SETBP1: variants seen among roughly 807,000 people sequenced by gnomAD.
SETBP1 encodes the protein SET binding protein 1.
SETBP1 carries 9 observed loss-of-function variants against 101.0 expected under a neutral mutation model. The observed-to-expected ratio is 0.09, with a 90% CI of 0.05 to 0.16. The LOEUF (loss-of-function observed/expected upper bound fraction) is 0.16, where lower values mean the gene tolerates loss of function less well. Ranked by LOEUF, SETBP1 falls within the 10% of genes least tolerant of loss-of-function variation. The probability of loss-of-function intolerance (pLI) is 1.00; values close to 1 mark genes in which losing one functional copy is unlikely to be tolerated. For missense variants in SETBP1, 1,858 were observed against 2,033.8 expected (o/e 0.91, Z 1.66); for synonymous variants, 818 against 788.5 (o/e 1.04, Z -0.63).
chr18:44,797,728 C>T (rs998347927), intron 2 of SETBP1, among the ~76,000 whole-genome samples: 6 of 152,190 alleles, frequency 3.9e-5, no homozygotes, highest in African/African-American at 1.4e-4. Context: ...AGTGCATGAA[C>T]CTCCAGGTGC....
chr18:44,792,829 G>A (rs2071396545), intron 2 of SETBP1, among the ~76,000 whole-genome samples: 1 of 151,936 alleles, frequency 6.6e-6, no homozygotes, highest in Non-Finnish European at 1.5e-5. Context: ...CTCCCCTTAG[G>A]GCTCTATTCC....
chr18:44,850,959 C>A (rs1048642353), intron 2 of SETBP1, among the ~76,000 whole-genome samples: 11 of 152,284 alleles, frequency 7.2e-5, no homozygotes, highest in African/African-American at 2.6e-4. Context: ...TATCTCCTGC[C>A]TTCAAGGAGC....
intron 2 of SETBP1, among the ~76,000 whole-genome samples, chr18:44,710,203 A>C (rs2069308531): frequency 6.6e-6 from 1 of 152,072 alleles, no homozygotes; most frequent in Non-Finnish European, 1.5e-5. Context: ...GATTCCTGCA[A>C]GTTTAAGTTA....
chr18:45,062,225 C>A (rs1372572284), intron 5 of SETBP1, among the ~76,000 whole-genome samples: 1 of 152,156 alleles, frequency 6.6e-6, no homozygotes, highest in Non-Finnish European at 1.5e-5. Context: ...ACAAGAAGTT[C>A]GGCTCATAAA....
chr18:44,804,002 C>A (rs1405641331), intron 2 of SETBP1, among the ~76,000 whole-genome samples: 1 of 152,008 alleles, frequency 6.6e-6, no homozygotes, highest in Admixed American at 6.6e-5. Flanking sequence ...ACTCTTTTGG[C>A]TAATTAGTTA....
intron 2 of SETBP1, among the ~76,000 whole-genome samples, chr18:44,812,622 C>T (rs1396492038): frequency 6.6e-6 from 1 of 152,102 alleles, no homozygotes; most frequent in African/African-American, 2.4e-5. Flanking sequence ...GGCTGGGTAT[C>T]TCTGCCTCTC....
At chr18:45,023,084 G>A (rs1471569997) in intron 4 of SETBP1, among the ~76,000 whole-genome samples, 1 of 152,122 alleles carries the variant, frequency 6.6e-6, no homozygotes, top group African/African-American at 2.4e-5. Context: ...CCTCTTAACT[G>A]TTTTGAAATG....
intron 4 of SETBP1, among the ~76,000 whole-genome samples, chr18:45,019,088 C>A (rs1053796220): frequency 6.6e-6 from 1 of 152,168 alleles, no homozygotes; most frequent in Non-Finnish European, 1.5e-5. Flanking sequence ...AGACAGGAAG[C>A]CTCCACCTGC....
intron 2 of SETBP1, among the ~76,000 whole-genome samples, chr18:44,716,834 A>T (rs1353724316): frequency 6.6e-6 from 1 of 152,156 alleles, no homozygotes; most frequent in Non-Finnish European, 1.5e-5. Flanking sequence ...AAGTGCTGGG[A>T]TTATGGCATT....
Position 44,950,266 on chromosome 18 carries a change from A to G in SETBP1, c.926A>G (p.Asn309Ser). The change falls in exon 4 of 6, where the codon AAC (asparagine) becomes AGC (serine). Residue 309 changes from asparagine (N) to serine (S), a missense_variant. Asn to Ser is a conservative substitution (Grantham distance 46, BLOSUM62 1). Transcript: ENST00000649279. ...PAPPSSSAEC[N>S]GLQPLVDQDG... ...CCACCCAGCAGCTCTGCTGAGTGCA[A>G]CGGGCTTCAGCCCTTGGTGGATCAA... is the stretch of plus-strand genomic sequence containing the variant. 6.2e-7 allele frequency: 1 copy of G among 1,614,046 alleles called. No homozygotes were observed. Among genetic ancestry groups the G allele is most frequent in the Non-Finnish European group, 8.5e-7 (1 of 1,180,034 alleles).
chr18:44,909,186 A>G (rs921466257), intron 3 of SETBP1, among the ~76,000 whole-genome samples: 6 of 152,220 alleles, frequency 3.9e-5, no homozygotes, highest in Admixed American at 3.9e-4. Context: ...ATGAGTAAGG[A>G]GAAATGGGGA....
chr18:44,732,556 C>T (rs2069860525), intron 2 of SETBP1: 4 of 152,142 alleles, frequency 2.6e-5, no homozygotes, highest in Admixed American at 2.0e-4. Context: ...ACCCTTCTGC[C>T]GAGAATAAGT....
intron 3 of SETBP1, among the ~76,000 whole-genome samples, chr18:44,891,384 A>G (rs896872200): frequency 1.3e-5 from 2 of 152,150 alleles, no homozygotes; most frequent in African/African-American, 4.8e-5. Context: ...TTTATTATAC[A>G]CATTCAGTCA....
At position 44,977,487 on chromosome 18, in the gene SETBP1, A is replaced by G. The variant is rs143476672; in HGVS notation, c.4000+24147A>G. Among the ~76,000 whole-genome samples, 501 of 152,330 alleles carry G rather than the reference A, an allele frequency of 3.3e-3. 2 individuals are homozygous for G. Among genetic ancestry groups the G allele is most frequent in the African/African-American group, 0.012 (480 of 41,574 alleles). On this transcript the variant is annotated intron_variant, in intron 4 of 5. Transcript: ENST00000649279. ...GTGGGGAAATGCTTTTTGATGGATG[A>G]ATTGGATTGTGAATAAAATGCTGCC...
At chr18:44,877,730 T>A (rs1343433914) in intron 3 of SETBP1, among the ~76,000 whole-genome samples, 1 of 152,216 alleles carries the variant, frequency 6.6e-6, no homozygotes, top group Non-Finnish European at 1.5e-5. Flanking sequence ...AAGTATACAT[T>A]TTTTGAACTG....
rs190364154 is a variant in SETBP1 at position 44,933,115 on chromosome 18, G to A, written c.541-16766G>A. Among the ~76,000 whole-genome samples, 143 of 152,300 alleles carry A rather than the reference G, an allele frequency of 9.4e-4. No homozygotes were observed. The East Asian group carries it at 0.013, about 14-fold the overall frequency. On this transcript the variant is annotated intron_variant, in intron 3 of 5. Coordinates refer to ENST00000649279, the MANE Select transcript of SETBP1 (RefSeq NM_015559.3). ...ACCTTTGGTCTTTGATGATGGTGACGTACAGTTGGGGTTTTGGTGTGGGTG... is the reference window on the plus strand; with the variant it reads ...ACCTTTGGTCTTTGATGATGGTGACATACAGTTGGGGTTTTGGTGTGGGTG...
intron 2 of SETBP1, among the ~76,000 whole-genome samples, chr18:44,787,536 A>C (rs1352875628): frequency 3.3e-5 from 5 of 152,178 alleles, no homozygotes; most frequent in Admixed American, 3.3e-4. Context: ...ACAAAATCCC[A>C]GTACTGTAGT....
chr18:44,960,787 C>G (rs1273962204), intron 4 of SETBP1, among the ~76,000 whole-genome samples: 13 of 152,224 alleles, frequency 8.5e-5, no homozygotes, highest in Admixed American at 8.5e-4. Context: ...TAATTATTCA[C>G]TTACTTGTTT....
intron 2 of SETBP1, among the ~76,000 whole-genome samples, chr18:44,823,112 T>C (rs982141399): frequency 6.6e-6 from 1 of 152,172 alleles, no homozygotes; most frequent in Non-Finnish European, 1.5e-5. Flanking sequence ...GGCTAGGCGA[T>C]AGAGTGAGAC....
Sources: allele counts gnomAD v4.1 joint callset (sites outside exome capture counted in the v4.1 genomes callset), GRCh38; gene constraint gnomAD v4.1.1; transcripts MANE v1.5; gene names NCBI Gene and HGNC (gene_info 2026-07-23, HGNC 2026-07-21).